RERE: variants seen among roughly 807,000 people sequenced by gnomAD.
RERE encodes arginine-glutamic acid dipeptide repeats.
A neutral mutation model predicts 146.1 loss-of-function variants in RERE; 40 were observed. That is an observed-to-expected ratio of 0.27 (90% CI 0.21 to 0.36). The LOEUF is 0.36. Among genes scored for constraint, RERE ranks in the 10% least tolerant of loss-of-function variants. The pLI, the probability that RERE is intolerant of heterozygous loss-of-function variation, is 1.00. For missense variants in RERE, 1,933 were observed against 2,138.7 expected, an observed-to-expected ratio of 0.90 and a Z score of 1.90; for synonymous variants, 1,003 against 866.0, an observed-to-expected ratio of 1.16 and a Z score of -2.78.
intron 10 of RERE, among the ~76,000 whole-genome samples, chr1:8,486,236 G>C (rs1644897274): frequency 2.6e-5 from 4 of 152,096 alleles, no homozygotes; most frequent in African/African-American, 9.7e-5. Context: ...TAACTACAGA[G>C]AGCAAGTTGA....
chr1:8,596,551 G>C (rs1646557135), intron 4 of RERE, among the ~76,000 whole-genome samples: 1 of 152,140 alleles, frequency 6.6e-6, no homozygotes, highest in Non-Finnish European at 1.5e-5. Flanking sequence ...CTGTTACCCA[G>C]GCTGGGGTAT....
At chr1:8,658,996 C>A (rs1234672357) in intron 1 of RERE, among the ~76,000 whole-genome samples, 2 of 152,164 alleles carry the variant, frequency 1.3e-5, no homozygotes, top group East Asian at 3.8e-4. Flanking sequence ...GAAGAAGGAA[C>A]GCATGTAGCA....
chr1:8,518,506 T>C (rs548863347), intron 7 of RERE, among the ~76,000 whole-genome samples: 2 of 152,306 alleles, frequency 1.3e-5, no homozygotes, highest in African/African-American at 4.8e-5. Flanking sequence ...AGAATGAAGA[T>C]CTTAGAAACG....
At chr1:8,369,021 C>T (rs535427584) in intron 12 of RERE, among the ~76,000 whole-genome samples, 4 of 152,064 alleles carry the variant, frequency 2.6e-5, no homozygotes, top group South Asian at 2.1e-4. Context: ...GCCCTACAGG[C>T]CCAATCTCTA....
At chr1:8,532,125 C>T (rs920598642) in intron 7 of RERE, among the ~76,000 whole-genome samples, 3 of 152,108 alleles carry the variant, frequency 2.0e-5, no homozygotes, top group Non-Finnish European at 4.4e-5. Flanking sequence ...GTCGAAGAGG[C>T]AACATATGCT....
At chr1:8,696,009 C>T (rs1395041947) in intron 1 of RERE, among the ~76,000 whole-genome samples, 1 of 151,962 alleles carries the variant, frequency 6.6e-6, no homozygotes, top group African/African-American at 2.4e-5. Context: ...CAGAGAGATG[C>T]AAATCAAAAC....
At chr1:8,816,331 T>C (rs1641910927) in intron 1 of RERE, among the ~76,000 whole-genome samples, 1 of 152,224 alleles carries the variant, frequency 6.6e-6, no homozygotes, top group Non-Finnish European at 1.5e-5. Context: ...CAACAGATAC[T>C]GAAACATTTA....
chr1:8,695,085 T>C (rs753260827), intron 1 of RERE, among the ~76,000 whole-genome samples: 1 of 147,294 alleles, frequency 6.8e-6, no homozygotes, highest in Admixed American at 6.9e-5. Flanking sequence ...CATAGACCAA[T>C]GAAACAGAAT....
intron 1 of RERE, among the ~76,000 whole-genome samples, chr1:8,679,873 C>G (rs751145626): frequency 6.6e-6 from 1 of 152,154 alleles, no homozygotes; most frequent in African/African-American, 2.4e-5. Context: ...GTGTGATCTG[C>G]CACTCAAGTT....
At chr1:8,766,558 A>G (rs956940485) in intron 1 of RERE, among the ~76,000 whole-genome samples, 5 of 151,692 alleles carry the variant, frequency 3.3e-5, no homozygotes, top group South Asian at 2.1e-4. Context: ...AAAAAAAAAA[A>G]AAAAAGAAAA....
chr1:8,520,777 C>A (rs555720393), intron 7 of RERE, among the ~76,000 whole-genome samples: 35 of 54,152 alleles, frequency 6.5e-4, no homozygotes, highest in East Asian at 2.4e-3. Flanking sequence ...AAAAAAAAAA[C>A]CACTATGACC....
chr1:8,721,451 G>C (rs1047997179), intron 1 of RERE, among the ~76,000 whole-genome samples: 97 of 152,084 alleles, frequency 6.4e-4, no homozygotes, highest in Non-Finnish European at 2.9e-5. Flanking sequence ...AGCTGAGACT[G>C]AAGGTGCCCA....
intron 11 of RERE, chr1:8,428,435 G>A (rs1368002360): frequency 3.9e-5 from 6 of 152,184 alleles, no homozygotes; most frequent in Non-Finnish European, 5.9e-5. Context: ...GGAGATTGTT[G>A]CTTTGTGTTA....
chr1:8,594,516 C>T (rs1309125241), intron 4 of RERE, among the ~76,000 whole-genome samples: 1 of 152,072 alleles, frequency 6.6e-6, no homozygotes, highest in Non-Finnish European at 1.5e-5. Context: ...TAGACAGAGG[C>T]GCAGAAACCA....
intron 7 of RERE, among the ~76,000 whole-genome samples, chr1:8,520,963 C>A (rs1394235536): frequency 6.6e-6 from 1 of 151,756 alleles, no homozygotes; most frequent in Non-Finnish European, 1.5e-5. Context: ...CTAAAGGTTT[C>A]TTTGTCCCCT....
At chr1:8,607,530 A>ATTTTTT (rs1646732347) in intron 4 of RERE, among the ~76,000 whole-genome samples, 2 of 57,594 alleles carry the variant, frequency 3.5e-5, no homozygotes, top group South Asian at 4.9e-4. Context: ...TTTTATATAT[A>ATTTTTT]TTTCTTTTTT....
intron 12 of RERE, among the ~76,000 whole-genome samples, chr1:8,409,971 A>ATTTTTTTT (rs57424627): frequency 1.0e-5 from 1 of 95,390 alleles, no homozygotes; most frequent in Admixed American, 1.2e-4. Flanking sequence ...CAATCAGGCA[A>ATTTTTTTT]TTTTTTTTTT....
chr1:8,390,460 T>C (rs1239204458), intron 12 of RERE, among the ~76,000 whole-genome samples: 1 of 152,178 alleles, frequency 6.6e-6, no homozygotes, highest in Non-Finnish European at 1.5e-5. Context: ...CTATGTCCCA[T>C]AGTCCGAACT....
rs71580039 is a variant in RERE at position 8,683,031 on chromosome 1, CAAAAAAAAA to C, written c.-144-26599_-144-26591del. ...ACCAACTCTGCCTCACTGTCTTTAC[CAAAAAAAAA>C]AAAAAAAAAAAAAAAGAATGGAACT... On this transcript the variant is annotated intron_variant, in intron 1 of 22. Coordinates refer to ENST00000400908, the MANE Select transcript of RERE (RefSeq NM_001042681.2). Among the ~76,000 whole-genome samples, 97 of 65,732 alleles carry C rather than the reference CAAAAAAAAA, an allele frequency of 1.5e-3. 2 individuals carry two copies. The highest frequency in any genetic ancestry group is 7.9e-3 in the Admixed American group (38 of 4,812). 43.1% of individuals were successfully genotyped at this position (65,732 alleles called of 152,430 possible). A position where few individuals can be genotyped will look rare whatever the true frequency, so the allele number is the denominator to read the frequency against.
Sources: gnomAD v4.1 joint callset for allele counts (sites outside exome capture counted in the v4.1 genomes callset) on GRCh38, gnomAD v4.1.1 for gene constraint, MANE v1.5 for transcripts, NCBI Gene and HGNC (gene_info 2026-07-23, HGNC 2026-07-21) for gene names.